The following FRMD5 variants were observed in gnomAD, a reference collection of about 807,000 sequenced individuals.
The protein encoded by FRMD5 is FERM domain containing 5.
A neutral mutation model predicts 69.0 loss-of-function variants in FRMD5; 20 were observed. The observed-to-expected ratio is 0.29, with a 90% CI of 0.20 to 0.42. FRMD5 has a LOEUF of 0.42. Among genes scored for constraint, FRMD5 ranks in the 10% least tolerant of loss-of-function variants. The probability of loss-of-function intolerance (pLI) is 1.00; values close to 1 mark genes in which losing one functional copy is unlikely to be tolerated. For missense variants in FRMD5, 595 were observed against 708.6 expected (o/e 0.84, Z 1.82); for synonymous variants, 271 against 260.1 (o/e 1.04, Z -0.40).
intron 1 of FRMD5, among the ~76,000 whole-genome samples, chr15:43,964,509 A>C (rs894361173): frequency 5.3e-5 from 8 of 151,916 alleles, no homozygotes; most frequent in Middle Eastern, 3.4e-3. Context: ...ACAAAAAAAA[A>C]AACAAAAGAA....
At chr15:44,169,649 G>A (rs1247315870) in intron 1 of FRMD5, among the ~76,000 whole-genome samples, 1 of 152,084 alleles carries the variant, frequency 6.6e-6, no homozygotes, top group Non-Finnish European at 1.5e-5. Flanking sequence ...GCAGATTTCT[G>A]GGGACCCTTG....
chr15:44,079,318 C>T (rs1224261842), intron 1 of FRMD5, among the ~76,000 whole-genome samples: 1 of 152,034 alleles, frequency 6.6e-6, no homozygotes. Flanking sequence ...CTGCACTTTC[C>T]TCGTGGGAAT....
At chr15:43,986,824 A>G (rs1889418426) in intron 1 of FRMD5, among the ~76,000 whole-genome samples, 1 of 151,448 alleles carries the variant, frequency 6.6e-6, no homozygotes, top group African/African-American at 2.4e-5. Context: ...TAAATTCAAG[A>G]TTTGTAGCAA....
chr15:44,192,800 T>C (rs999178998), intron 1 of FRMD5, among the ~76,000 whole-genome samples: 22 of 152,244 alleles, frequency 1.4e-4, no homozygotes, highest in Non-Finnish European at 2.4e-4. Flanking sequence ...TAACAATCCC[T>C]GTGTTCTTTA....
chr15:44,026,462 C>T (rs1157803728), intron 1 of FRMD5, among the ~76,000 whole-genome samples: 1 of 151,952 alleles, frequency 6.6e-6, no homozygotes, highest in African/African-American at 2.4e-5. Flanking sequence ...TTTCCCTTTC[C>T]ACATTTATAG....
chr15:44,081,894 C>T (rs187552160), intron 1 of FRMD5, among the ~76,000 whole-genome samples: 4 of 152,008 alleles, frequency 2.6e-5, no homozygotes, highest in East Asian at 1.9e-4. Context: ...ATATAGACAG[C>T]CTCAGAGGAC....
chr15:44,109,087 A>G (rs910319974), intron 1 of FRMD5, among the ~76,000 whole-genome samples: 4 of 152,180 alleles, frequency 2.6e-5, no homozygotes, highest in Non-Finnish European at 4.4e-5. Context: ...TATGTACTCA[A>G]TAAAATGTTA....
chr15:43,990,238 G>C (rs1595594894), intron 1 of FRMD5: 1 of 401,460 alleles, frequency 2.5e-6, no homozygotes, highest in South Asian at 2.1e-5. Context: ...GCAAGGCTCT[G>C]TGCTCGCAGG....
intron 1 of FRMD5, among the ~76,000 whole-genome samples, chr15:43,961,910 T>C (rs1185260800): frequency 6.6e-6 from 1 of 152,128 alleles, no homozygotes; most frequent in Non-Finnish European, 1.5e-5. Flanking sequence ...TATCTCAAAA[T>C]AATAAGAGCT....
At chr15:43,957,705 G>A (rs1378648433) in intron 1 of FRMD5, among the ~76,000 whole-genome samples, 1 of 152,254 alleles carries the variant, frequency 6.6e-6, no homozygotes, top group Non-Finnish European at 1.5e-5. Flanking sequence ...GTAATGTGCA[G>A]TGAAAGCATT....
chr15:44,138,330 G>C (rs1473758083), intron 1 of FRMD5, among the ~76,000 whole-genome samples: 1 of 152,176 alleles, frequency 6.6e-6, no homozygotes, highest in Non-Finnish European at 1.5e-5. Flanking sequence ...TGCAATCTCA[G>C]TACCAATCAG....
chr15:44,105,016 T>A (rs2076695371), intron 1 of FRMD5, among the ~76,000 whole-genome samples: 1 of 151,974 alleles, frequency 6.6e-6, no homozygotes, highest in African/African-American at 2.4e-5. Context: ...CTATCATGAA[T>A]AATGCTGATA....
At chr15:44,082,481 T>C (rs563531596) in intron 1 of FRMD5, among the ~76,000 whole-genome samples, 6 of 152,144 alleles carry the variant, frequency 3.9e-5, no homozygotes, top group South Asian at 4.1e-4. Context: ...CAGCCAAATA[T>C]GCTGTTTTGT....
At chr15:44,098,249 G>A (rs937703600) in intron 1 of FRMD5, among the ~76,000 whole-genome samples, 3 of 151,990 alleles carry the variant, frequency 2.0e-5, no homozygotes, top group African/African-American at 7.2e-5. Context: ...ATACAAGGCC[G>A]GGTGCAGTGG....
chr15:44,185,793 TAA>T (rs112329664), intron 1 of FRMD5, among the ~76,000 whole-genome samples: 3 of 144,558 alleles, frequency 2.1e-5, no homozygotes, highest in Admixed American at 6.9e-5. Context: ...ACTCTTATCT[TAA>T]AAAAAAAAAA....
Position 44,050,764 on chromosome 15 carries a change from T to C in FRMD5, c.103-126455A>G, listed in dbSNP as rs540501531. Among the ~76,000 whole-genome samples the C allele has an allele frequency of 5.9e-5, 9 of 151,690 alleles. 1 individual carries two copies. The South Asian group carries it at 1.5e-3, about 25-fold the overall frequency. ...CCTCTGCCTCACAGATTTAAGTGATTCTCCAGCCTCCACCACACTGGTAGC... is the reference window on the plus strand; with the variant it reads ...CCTCTGCCTCACAGATTTAAGTGATCCTCCAGCCTCCACCACACTGGTAGC... On this transcript the variant is annotated intron_variant, in intron 1 of 13. Transcript: ENST00000417257.
chr15:44,000,923 C>A (rs1216577838), intron 1 of FRMD5, among the ~76,000 whole-genome samples: 2 of 152,168 alleles, frequency 1.3e-5, no homozygotes, highest in African/African-American at 4.8e-5. Context: ...AAGCAATCCT[C>A]CCACCTCAGC....
intron 1 of FRMD5, among the ~76,000 whole-genome samples, chr15:43,996,547 C>G (rs1889932571): frequency 6.6e-6 from 1 of 152,122 alleles, no homozygotes; most frequent in Non-Finnish European, 1.5e-5. Flanking sequence ...AAGGTATTTT[C>G]ATGCATGGAT....
intron 1 of FRMD5, among the ~76,000 whole-genome samples, chr15:43,992,300 C>T (rs1250335377): frequency 6.7e-6 from 1 of 149,980 alleles, no homozygotes; most frequent in Non-Finnish European, 1.5e-5. Context: ...GTTGGGCATT[C>T]CTGAATATGT....
Sources: gnomAD v4.1 joint callset for allele counts (sites outside exome capture counted in the v4.1 genomes callset) on GRCh38, gnomAD v4.1.1 for gene constraint, MANE v1.5 for transcripts, NCBI Gene and HGNC (gene_info 2026-07-23, HGNC 2026-07-21) for gene names.